The following GFRA1 variants were observed in gnomAD, a reference collection of about 807,000 sequenced individuals.
GFRA1 encodes GDNF family receptor alpha 1.
In GFRA1, 16 loss-of-function variants were observed where a neutral mutation model predicts 51.6. The observed-to-expected ratio is 0.31, with a 90% CI of 0.21 to 0.47. The LOEUF is 0.47. Ranked by LOEUF, GFRA1 falls within the 20% of genes least tolerant of loss-of-function variation. GFRA1 has a pLI of 1.00. For missense variants in GFRA1, 530 were observed against 594.3 expected (o/e 0.89, Z 1.13); for synonymous variants, 270 against 241.3 (o/e 1.12, Z -1.10).
At chr10:116,111,263 A>T (rs1957199811) in intron 6 of GFRA1, among the ~76,000 whole-genome samples, 2 of 152,240 alleles carry the variant, frequency 1.3e-5, no homozygotes, top group African/African-American at 4.8e-5. Context: ...AGGTCAACTT[A>T]GAGACAACAG....
At chr10:116,089,656 A>G in intron 9 of GFRA1, 85 bp downstream of exon 9, 3 of 1,120,660 alleles carry the variant, frequency 2.7e-6, no homozygotes, top group East Asian at 2.3e-5. Flanking sequence ...CTCTCTCTGC[A>G]TACATTTCAG....
At chr10:116,148,193 T>TA (rs990301116) in intron 5 of GFRA1, among the ~76,000 whole-genome samples, 1 of 151,862 alleles carries the variant, frequency 6.6e-6, no homozygotes, top group African/African-American at 2.4e-5. Context: ...TACAACACTT[T>TA]AAAATAGTTA....
intron 5 of GFRA1, 97 bp downstream of exon 5, chr10:116,211,534 A>G: frequency 1.8e-6 from 2 of 1,130,096 alleles, no homozygotes; most frequent in South Asian, 1.3e-5. Flanking sequence ...ATGTCCATAG[A>G]GAACGGGAAA....
chr10:116,267,855 A>G (rs1293018339), intron 4 of GFRA1, among the ~76,000 whole-genome samples: 1 of 152,082 alleles, frequency 6.6e-6, no homozygotes, highest in African/African-American at 2.4e-5. Context: ...AGTGGAAATT[A>G]TTGGCATTAC....
At chr10:116,214,409 G>A (rs4751956) in intron 4 of GFRA1, among the ~76,000 whole-genome samples, 56,208 of 152,074 alleles carry the variant, frequency 0.37, 12,294 homozygotes, top group East Asian at 0.56. Flanking sequence ...TCCTACCTAC[G>A]AGGGAGGGAA....
chr10:116,069,119 A>G (rs577492627), intron 9 of GFRA1, among the ~76,000 whole-genome samples: 64 of 152,332 alleles, frequency 4.2e-4, no homozygotes, highest in Non-Finnish European at 8.4e-4. Flanking sequence ...AAAAGAGCTC[A>G]GCCAGCCGGT....
intron 5 of GFRA1, among the ~76,000 whole-genome samples, chr10:116,182,257 A>G (rs1962307543): frequency 6.6e-6 from 1 of 152,182 alleles, no homozygotes. Flanking sequence ...TGACTAACTG[A>G]CCTAATGATA....
At chr10:116,179,472 G>A (rs182969626) in intron 5 of GFRA1, among the ~76,000 whole-genome samples, 455 of 152,286 alleles carry the variant, frequency 3.0e-3, no homozygotes, top group Non-Finnish European at 4.0e-3. Context: ...TGGAGATGAA[G>A]TGACTAGCCC....
intron 5 of GFRA1, among the ~76,000 whole-genome samples, chr10:116,197,035 T>G (rs925562482): frequency 6.6e-6 from 1 of 151,586 alleles, no homozygotes; most frequent in Non-Finnish European, 1.5e-5. Context: ...CCTCTCCTCT[T>G]AGAAGAACAA....
At position 116,109,641 on chromosome 10, in the gene GFRA1, A is replaced by G. The variant is rs192174928; in HGVS notation, c.771-12877T>C. Among the ~76,000 whole-genome samples, 32 of 152,230 alleles carry G rather than the reference A, an allele frequency of 2.1e-4. 1 individual carries two copies. The East Asian group carries it at 5.9e-3, about 28-fold the overall frequency. The stretch of plus-strand genomic sequence containing the variant: ...CAAAAGTCTTCCCCATACACTGAGA[A>G]GTAGGGCTCCCCGGGCCCACGGGGA... On this transcript the variant is annotated intron_variant, in intron 6 of 10. Coordinates refer to ENST00000355422, the MANE Select transcript of GFRA1 (RefSeq NM_005264.8).
At chr10:116,198,968 A>G (rs934557371) in intron 5 of GFRA1, among the ~76,000 whole-genome samples, 3 of 152,204 alleles carry the variant, frequency 2.0e-5, no homozygotes, top group Non-Finnish European at 4.4e-5. Context: ...AGAGACATAC[A>G]GAGACAAAGA....
intron 5 of GFRA1, among the ~76,000 whole-genome samples, chr10:116,176,036 G>T (rs1332700399): frequency 6.6e-6 from 1 of 152,252 alleles, no homozygotes; most frequent in Non-Finnish European, 1.5e-5. Flanking sequence ...TGCAGCAAAT[G>T]CAGTATTATT....
chr10:116,128,495 G>A (rs1957965943), intron 5 of GFRA1, among the ~76,000 whole-genome samples: 1 of 152,048 alleles, frequency 6.6e-6, no homozygotes, highest in Non-Finnish European at 1.5e-5. Context: ...AGAGGCCGAG[G>A]TGGACCGATC....
rs1037062698 is a variant in GFRA1 at position 116,057,879 on chromosome 10, G to A, written c.*6519C>T. The A allele has an allele frequency of 2.6e-5, 4 of 151,692 alleles. No homozygotes were observed. In the South Asian group the frequency reaches 6.3e-4, roughly 24 times the overall value. 9.4% of individuals were successfully genotyped at this position (151,692 alleles called of 1,614,324 possible). A position where few individuals can be genotyped will look rare whatever the true frequency, so the allele number is the denominator to read the frequency against. ...GATTTCCATTCTCCTCTCCACATCC[G>A]AGAAATGCCTTCAGCTACAGCTAAA... On this transcript the variant is annotated 3_prime_UTR_variant, in exon 11 of 11. Transcript: ENST00000355422.
At chr10:116,104,258 T>G (rs922400810) in intron 6 of GFRA1, among the ~76,000 whole-genome samples, 1 of 152,246 alleles carries the variant, frequency 6.6e-6, no homozygotes, top group Non-Finnish European at 1.5e-5. Context: ...CCTAATGCCT[T>G]TGTTTCCTGG....
At chr10:116,239,543 A>C (rs1967179299) in intron 4 of GFRA1, among the ~76,000 whole-genome samples, 1 of 152,198 alleles carries the variant, frequency 6.6e-6, no homozygotes, top group Non-Finnish European at 1.5e-5. Context: ...AATAACATTC[A>C]ATTAAATAAA....
intron 4 of GFRA1, chr10:116,255,571 G>C (rs1487235008): frequency 1.6e-6 from 2 of 1,285,552 alleles, no homozygotes; most frequent in Non-Finnish European, 1.0e-6. Flanking sequence ...AGCATATTCA[G>C]TATTAATTTT....
At chr10:116,243,318 G>T (rs1041056362) in intron 4 of GFRA1, among the ~76,000 whole-genome samples, 1 of 152,068 alleles carries the variant, frequency 6.6e-6, no homozygotes, top group East Asian at 1.9e-4. Context: ...CTTTTACAGA[G>T]AAATTAAAAA....
intron 4 of GFRA1, among the ~76,000 whole-genome samples, chr10:116,234,743 A>G (rs1280417757): frequency 6.6e-6 from 1 of 152,184 alleles, no homozygotes; most frequent in Non-Finnish European, 1.5e-5. Context: ...GACACTCTCA[A>G]TATGTGAGCA....
Sources: gnomAD v4.1 joint callset for allele counts (sites outside exome capture counted in the v4.1 genomes callset) on GRCh38, gnomAD v4.1.1 for gene constraint, MANE v1.5 for transcripts, NCBI Gene and HGNC (gene_info 2026-07-23, HGNC 2026-07-21) for gene names.